Variants in SLC38A4 observed in about 807,000 individuals in gnomAD.
SLC38A4 encodes sodium-coupled neutral amino acid transporter 4.
Under a neutral mutation model 63.1 loss-of-function variants are expected in SLC38A4, and 20 were observed. That is an observed-to-expected ratio of 0.32 (90% CI 0.22 to 0.46). The LOEUF (loss-of-function observed/expected upper bound fraction) is 0.46, where lower values mean the gene tolerates loss of function less well. SLC38A4 is among the 20% of genes least tolerant of loss of function. The pLI is 1.00. For synonymous variants in SLC38A4, 230 were observed against 225.5 expected (o/e 1.02, Z -0.18); for missense variants, 526 against 663.6 (o/e 0.79, Z 2.28).
chr12:46,799,289 T>A (rs1000471635), intron 2 of SLC38A4, among the ~76,000 whole-genome samples: 2 of 152,162 alleles, frequency 1.3e-5, no homozygotes, highest in Non-Finnish European at 2.9e-5. Flanking sequence ...CCTAATTTTA[T>A]GCTGTTTTAA....
At chr12:46,802,696 T>G (rs1282219870) in intron 2 of SLC38A4, among the ~76,000 whole-genome samples, 1 of 152,018 alleles carries the variant, frequency 6.6e-6, no homozygotes, top group Non-Finnish European at 1.5e-5. Flanking sequence ...TTTCTTTACT[T>G]TGTCAAAACT....
At chr12:46,828,839 A>T (rs776303646), upstream of SLC38A4, among the ~76,000 whole-genome samples, 30 of 152,214 alleles carry the variant, frequency 2.0e-4, no homozygotes, top group Non-Finnish European at 1.9e-4. Flanking sequence ...AATGAGTGAA[A>T]TTAGGTCATT....
intron 1 of SLC38A4, among the ~76,000 whole-genome samples, chr12:46,812,063 G>A (rs1939349608): frequency 1.3e-5 from 2 of 151,864 alleles, no homozygotes; most frequent in Non-Finnish European, 2.9e-5. Context: ...TTATATATGA[G>A]CAATTTTCCA....
intron 2 of SLC38A4, among the ~76,000 whole-genome samples, chr12:46,794,364 C>T (rs960012803): frequency 2.6e-4 from 39 of 152,080 alleles, no homozygotes; most frequent in African/African-American, 8.9e-4. Flanking sequence ...ATAAAATTCA[C>T]ATCTAAGGAA....
At chr12:46,831,519 T>C (rs1346205253) in intron 1 of SLC38A4, among the ~76,000 whole-genome samples, 2 of 152,224 alleles carry the variant, frequency 1.3e-5, no homozygotes, top group Admixed American at 1.3e-4. Context: ...GGCCGGGCAA[T>C]CCGACCGCGC....
chr12:46,768,979 G>A (rs900916790), intron 15 of SLC38A4, among the ~76,000 whole-genome samples: 2 of 152,000 alleles, frequency 1.3e-5, no homozygotes, highest in Admixed American at 6.6e-5. Flanking sequence ...TTTCCTGATG[G>A]TGGAGCTAAT....
chr12:46,817,571 C>T (rs1939465860), intron 1 of SLC38A4, among the ~76,000 whole-genome samples: 1 of 151,682 alleles, frequency 6.6e-6, no homozygotes, highest in Non-Finnish European at 1.5e-5. Context: ...TATTGTTGCT[C>T]CCTCCCCTGA....
chr12:46,775,895 A>G (rs556893015), intron 13 of SLC38A4, among the ~76,000 whole-genome samples: 4 of 152,098 alleles, frequency 2.6e-5, no homozygotes, highest in Admixed American at 2.6e-4. Context: ...TCACCTCAAG[A>G]TCAGACAAAA....
upstream of SLC38A4, among the ~76,000 whole-genome samples, chr12:46,830,861 A>T (rs2120946559): frequency 6.6e-6 from 1 of 152,206 alleles, no homozygotes; most frequent in East Asian, 1.9e-4. Context: ...TGAGAAATAG[A>T]CAAGCGCCAA....
chr12:46,822,804 T>A (rs1252599595), intron 1 of SLC38A4, among the ~76,000 whole-genome samples: 1 of 152,170 alleles, frequency 6.6e-6, no homozygotes, highest in East Asian at 1.9e-4. Context: ...TTGGCTGAGG[T>A]TGATCTTGAC....
intron 13 of SLC38A4, among the ~76,000 whole-genome samples, chr12:46,775,920 C>T (rs1486438808): frequency 6.6e-6 from 1 of 151,736 alleles, no homozygotes; most frequent in African/African-American, 2.4e-5. Flanking sequence ...GTGAAAATAC[C>T]TTCAGTAGTA....
Position 46,766,822 on chromosome 12 carries a change from T to A in SLC38A4, c.1543-20A>T. ...TAAAGCCTGTAATTCAGAGAGACTC[T>A]GTTAGGAGCACAGAAACCATACTTA... On this transcript the variant is annotated intron_variant, in intron 16 of 16. Transcript: ENST00000266579. 6.5e-7 allele frequency: 1 copy of A among 1,533,840 alleles called. No homozygotes were observed. The highest frequency in any genetic ancestry group is 9.0e-7 in the Non-Finnish European group (1 of 1,112,000).
chr12:46,817,713 C>T (rs1405789008), intron 1 of SLC38A4, among the ~76,000 whole-genome samples: 1 of 151,776 alleles, frequency 6.6e-6, no homozygotes, highest in African/African-American at 2.4e-5. Context: ...GCCCCTGGGT[C>T]TTACTCTTTT....
intron 14 of SLC38A4, among the ~76,000 whole-genome samples, chr12:46,773,977 C>T (rs924133970): frequency 1.8e-4 from 27 of 152,008 alleles, no homozygotes; most frequent in African/African-American, 6.0e-4. Flanking sequence ...TTTACCCTAT[C>T]GTATACCTTC....
rs773399535 is a variant in SLC38A4, at chr12:46,787,910, A to C, written c.326+6T>G. ...TCACCAAATGTAGACATATACATTCACTTACATAAAAAGTATGATCCCTGT... is the reference window on the plus strand; with the variant it reads ...TCACCAAATGTAGACATATACATTCCCTTACATAAAAAGTATGATCCCTGT... On this transcript the variant is annotated splice_donor_region_variant and intron_variant, in intron 5 of 16. Coordinates refer to ENST00000266579, the MANE Select transcript of SLC38A4 (RefSeq NM_018018.5). The C allele has an allele frequency of 1.2e-6, 2 of 1,600,168 alleles. No individual in the cohort carries two copies. The highest frequency in any genetic ancestry group is 1.7e-6 in the Non-Finnish European group (2 of 1,168,108).
At chr12:46,782,137 A>C (rs1938655943) in intron 7 of SLC38A4, among the ~76,000 whole-genome samples, 1 of 152,028 alleles carries the variant, frequency 6.6e-6, no homozygotes, top group African/African-American at 2.4e-5. Flanking sequence ...CTGCTTACCA[A>C]CTATCCATTA....
At chr12:46,826,484 AT>A (rs1939657406), upstream of SLC38A4, among the ~76,000 whole-genome samples, 1 of 152,222 alleles carries the variant, frequency 6.6e-6, no homozygotes, top group South Asian at 2.1e-4. Context: ...CATCACAATA[AT>A]TCTATACCAT....
chr12:46,780,998 A>T (rs1411665104), intron 7 of SLC38A4, among the ~76,000 whole-genome samples: 4 of 152,018 alleles, frequency 2.6e-5, no homozygotes, highest in Admixed American at 6.6e-5. Context: ...CACATACTTA[A>T]ATTGTAAATT....
chr12:46,798,466 C>T (rs577465001), intron 2 of SLC38A4, among the ~76,000 whole-genome samples: 1 of 152,262 alleles, frequency 6.6e-6, no homozygotes, highest in African/African-American at 2.4e-5. Flanking sequence ...ATTTATCCAG[C>T]CCCTCTAGGG....
Sources: allele counts gnomAD v4.1 joint callset (sites outside exome capture counted in the v4.1 genomes callset), GRCh38; gene constraint gnomAD v4.1.1; transcripts MANE v1.5; gene names NCBI Gene and HGNC (gene_info 2026-07-23, HGNC 2026-07-21).